Variants in TMEM108 observed in about 807,000 individuals in gnomAD.
TMEM108 encodes the protein cancer/testis antigen 124.
A neutral mutation model predicts 35.1 loss-of-function variants in TMEM108; 12 were observed. That is an observed-to-expected ratio of 0.34 (90% CI 0.22 to 0.55). The LOEUF (loss-of-function observed/expected upper bound fraction) is 0.55. Among genes scored for constraint, TMEM108 ranks in the 20% least tolerant of loss-of-function variants. TMEM108 has a pLI of 0.89. For synonymous variants in TMEM108, 287 were observed against 308.6 expected (o/e 0.93, Z 0.73); for missense variants, 680 against 753.3 (o/e 0.90, Z 1.14).
intron 3 of TMEM108, chr3:133,246,010 C>A (rs2107664205): frequency 6.6e-6 from 1 of 151,330 alleles, no homozygotes; most frequent in African/African-American, 2.4e-5. Flanking sequence ...GCATTTATAG[C>A]ACATCTTCAA....
intron 3 of TMEM108, among the ~76,000 whole-genome samples, chr3:133,261,839 G>T (rs2107676029): frequency 6.6e-6 from 1 of 152,254 alleles, no homozygotes; most frequent in Non-Finnish European, 1.5e-5. Flanking sequence ...TGCATTCCCA[G>T]CTTGGATGTT....
intron 3 of TMEM108, among the ~76,000 whole-genome samples, chr3:133,274,516 C>T (rs1011662020): frequency 6.6e-5 from 10 of 152,144 alleles, no homozygotes; most frequent in Non-Finnish European, 1.5e-4. Flanking sequence ...TAGCTGGGGG[C>T]TTTGTTTTGT....
intron 2 of TMEM108, among the ~76,000 whole-genome samples, chr3:133,082,842 C>A (rs1183003340): frequency 6.6e-6 from 1 of 151,922 alleles, no homozygotes; most frequent in African/African-American, 2.4e-5. Flanking sequence ...TTTATAGAAA[C>A]AAGGTCTCCC....
chr3:133,047,800 A>T (rs1012934911), intron 2 of TMEM108, among the ~76,000 whole-genome samples: 1 of 152,236 alleles, frequency 6.6e-6, no homozygotes, highest in Admixed American at 6.5e-5. Context: ...TCTGTAAAAT[A>T]TACACACATA....
intron 3 of TMEM108, among the ~76,000 whole-genome samples, chr3:133,369,104 G>A (rs1428262160): frequency 6.6e-6 from 1 of 152,090 alleles, no homozygotes; most frequent in Non-Finnish European, 1.5e-5. Flanking sequence ...AGCCAAGATT[G>A]AACGCAAATC....
At chr3:133,254,357 G>T (rs1292252805) in intron 3 of TMEM108, among the ~76,000 whole-genome samples, 4 of 152,156 alleles carry the variant, frequency 2.6e-5, no homozygotes, top group Non-Finnish European at 5.9e-5. Flanking sequence ...CTGCCCTCTT[G>T]TGGTTTTGGT....
intron 2 of TMEM108, among the ~76,000 whole-genome samples, chr3:133,166,529 C>T (rs1297610606): frequency 6.6e-6 from 1 of 152,170 alleles, no homozygotes; most frequent in Non-Finnish European, 1.5e-5. Flanking sequence ...TTCGGAGTTT[C>T]TTCCTTCTGG....
chr3:133,212,040 G>A (rs1216519367), intron 2 of TMEM108, among the ~76,000 whole-genome samples: 3 of 152,124 alleles, frequency 2.0e-5, no homozygotes, highest in Admixed American at 6.6e-5. Context: ...CTAGACTCCA[G>A]GCTGGCTGGA....
intron 3 of TMEM108, among the ~76,000 whole-genome samples, chr3:133,333,840 G>A (rs1443471202): frequency 6.6e-6 from 1 of 152,156 alleles, no homozygotes; most frequent in Non-Finnish European, 1.5e-5. Context: ...GCACTTTGAG[G>A]GACAGTCAAG....
At chr3:133,090,596 A>G (rs1378244901) in intron 2 of TMEM108, among the ~76,000 whole-genome samples, 3 of 152,240 alleles carry the variant, frequency 2.0e-5, no homozygotes, top group African/African-American at 7.2e-5. Context: ...AAGTCAATGC[A>G]CTACCATTCT....
intron 3 of TMEM108, among the ~76,000 whole-genome samples, chr3:133,355,042 A>T (rs2072120790): frequency 6.6e-6 from 1 of 152,182 alleles, no homozygotes; most frequent in Non-Finnish European, 1.5e-5. Flanking sequence ...TGTGGGTCAT[A>T]CCAAGTTCGC....
intron 3 of TMEM108, among the ~76,000 whole-genome samples, chr3:133,229,840 T>C (rs1451044135): frequency 6.6e-6 from 1 of 152,344 alleles, no homozygotes; most frequent in South Asian, 2.1e-4. Flanking sequence ...TATACATGGT[T>C]CTCAAATAAC....
chr3:133,296,395 TAGA>T (rs941089217), intron 3 of TMEM108, among the ~76,000 whole-genome samples: 1 of 152,188 alleles, frequency 6.6e-6, no homozygotes, highest in Non-Finnish European at 1.5e-5. Context: ...TCAAGGGGCT[TAGA>T]ACCCTCATGG....
intron 3 of TMEM108, among the ~76,000 whole-genome samples, chr3:133,277,072 TA>T (rs935649435): frequency 1.3e-5 from 2 of 151,548 alleles, no homozygotes; most frequent in Non-Finnish European, 2.9e-5. Flanking sequence ...CAAAGGAGAC[TA>T]AAAGGACATG....
chr3:133,095,687 T>C (rs985756293), intron 2 of TMEM108, among the ~76,000 whole-genome samples: 1 of 151,978 alleles, frequency 6.6e-6, no homozygotes, highest in African/African-American at 2.4e-5. Context: ...CAATTCACAA[T>C]AGGGTTTGTG....
intron 3 of TMEM108, among the ~76,000 whole-genome samples, chr3:133,327,334 G>T (rs540782880): frequency 8.5e-5 from 13 of 152,282 alleles, no homozygotes; most frequent in African/African-American, 2.6e-4. Context: ...CAGGTCCCTG[G>T]CCTGGGCCTC....
At chr3:133,042,420 T>C (rs1359072201) in intron 1 of TMEM108, among the ~76,000 whole-genome samples, 2 of 152,210 alleles carry the variant, frequency 1.3e-5, no homozygotes, top group Non-Finnish European at 2.9e-5. Context: ...TCTTATTATG[T>C]GACTAAAAAT....
At chr3:133,191,999 A>C (rs1945503924) in intron 2 of TMEM108, among the ~76,000 whole-genome samples, 1 of 151,958 alleles carries the variant, frequency 6.6e-6, no homozygotes, top group African/African-American at 2.4e-5. Context: ...TTCCAATCAG[A>C]TTAGTTTCCC....
At chr3:133,305,185 T>TA (rs539628252) in intron 3 of TMEM108, among the ~76,000 whole-genome samples, 53 of 151,678 alleles carry the variant, frequency 3.5e-4, no homozygotes, top group African/African-American at 1.2e-3. Flanking sequence ...TATGCAGCCA[T>TA]AAAAAATGAT....
Sources: gnomAD v4.1 joint callset for allele counts (sites outside exome capture counted in the v4.1 genomes callset) on GRCh38, gnomAD v4.1.1 for gene constraint, MANE v1.5 for transcripts, NCBI Gene and HGNC (gene_info 2026-07-23, HGNC 2026-07-21) for gene names.